Variants in KLHL13 observed in about 807,000 individuals in gnomAD.
KLHL13 encodes kelch like family member 13.
Under a neutral mutation model 37.1 loss-of-function variants are expected in KLHL13, and 10 were observed. That is an observed-to-expected ratio of 0.27 (90% CI 0.17 to 0.46). The LOEUF (loss-of-function observed/expected upper bound fraction) is 0.46, where lower values mean the gene tolerates loss of function less well. KLHL13 is among the 20% of genes least tolerant of loss of function. The pLI, the probability that KLHL13 is intolerant of heterozygous loss-of-function variation, is 1.00. For synonymous variants in KLHL13, 163 were observed against 181.2 expected (o/e 0.90, Z 0.81); for missense variants, 360 against 509.3 (o/e 0.71, Z 2.82).
At chrX:117,964,002 T>C (rs1218460655) in intron 1 of KLHL13, among the ~76,000 whole-genome samples, 3 of 70,136 alleles carry the variant, frequency 4.3e-5, no homozygotes, top group Non-Finnish European at 7.6e-5. Flanking sequence ...TGAGATCACA[T>C]GGACACAGGA....
chrX:118,065,813 T>A (rs2054788420), intron 1 of KLHL13, among the ~76,000 whole-genome samples: 1 of 111,683 alleles, frequency 9.0e-6, no homozygotes, highest in African/African-American at 3.3e-5. Context: ...GAATAGGTAA[T>A]GAAACACAAA....
At chrX:118,076,095 T>C (rs942524004) in intron 1 of KLHL13, among the ~76,000 whole-genome samples, 2 of 111,840 alleles carry the variant, frequency 1.8e-5, no homozygotes, top group Non-Finnish European at 3.8e-5. Flanking sequence ...TTAGTGATTA[T>C]TAATATTTAT....
At chrX:118,021,936 C>T (rs1030228108) in intron 1 of KLHL13, among the ~76,000 whole-genome samples, 9 of 111,689 alleles carry the variant, frequency 8.1e-5, no homozygotes, top group African/African-American at 1.3e-4. Flanking sequence ...TTCTAACTGG[C>T]GTGAGATGGT....
At chrX:117,909,983 G>A in exon 5 of KLHL13, 1 of 1,209,543 alleles carries the variant, frequency 8.3e-7, no homozygotes, top group Non-Finnish European at 1.1e-6. Flanking sequence ...ACTCCCCTGT[G>A]CTCAGCAATG....
At chrX:117,975,914 A>G (rs961642489), upstream of KLHL13, among the ~76,000 whole-genome samples, 6 of 111,911 alleles carry the variant, frequency 5.4e-5, no homozygotes, top group Non-Finnish European at 7.5e-5. Flanking sequence ...ATATCCTTCT[A>G]TAAGTTATTA....
At chrX:118,002,413 G>A (rs2053932555) in intron 1 of KLHL13, among the ~76,000 whole-genome samples, 1 of 108,977 alleles carries the variant, frequency 9.2e-6, no homozygotes, top group Non-Finnish European at 1.9e-5. Context: ...CCTCAACATG[G>A]AGAAACCCAG....
At chrX:118,100,799 T>C (rs939892115) in intron 1 of KLHL13, among the ~76,000 whole-genome samples, 2 of 111,733 alleles carry the variant, frequency 1.8e-5, no homozygotes, top group African/African-American at 6.5e-5. Context: ...CTTTTATTTA[T>C]ACATTGCCTA....
At chrX:118,094,306 T>C (rs1320711579) in intron 1 of KLHL13, among the ~76,000 whole-genome samples, 1 of 109,994 alleles carries the variant, frequency 9.1e-6, no homozygotes, top group African/African-American at 3.3e-5. Flanking sequence ...GAAGACGAAA[T>C]GAATGAAATG....
At chrX:118,076,313 C>A (rs779094342) in intron 1 of KLHL13, among the ~76,000 whole-genome samples, 1 of 111,334 alleles carries the variant, frequency 9.0e-6, no homozygotes, top group East Asian at 2.8e-4. Context: ...ACAAAACTCA[C>A]CAATCACAAG....
chrX:118,040,222 T>C (rs1481400940), intron 1 of KLHL13, among the ~76,000 whole-genome samples: 2 of 111,637 alleles, frequency 1.8e-5, no homozygotes, highest in Non-Finnish European at 1.9e-5. Context: ...TCTACAAACG[T>C]TGAGACCACC....
chrX:118,018,516 TATTC>T (rs776648940), intron 1 of KLHL13, among the ~76,000 whole-genome samples: 1 of 112,071 alleles, frequency 8.9e-6, no homozygotes, highest in African/African-American at 3.2e-5. Flanking sequence ...TTCTTTCAGA[TATTC>T]ATTAACTTAT....
chrX:118,018,884 A>T (rs1403247698), intron 1 of KLHL13, among the ~76,000 whole-genome samples: 1 of 111,478 alleles, frequency 9.0e-6, no homozygotes, highest in Non-Finnish European at 1.9e-5. Context: ...GGTTGTTTTT[A>T]AGACTTAGCT....
intron 1 of KLHL13, among the ~76,000 whole-genome samples, chrX:118,035,395 T>C (rs2054424662): frequency 9.2e-6 from 1 of 108,439 alleles, no homozygotes; most frequent in Non-Finnish European, 1.9e-5. Flanking sequence ...TTATCCACCA[T>C]GATCAAAGGG....
At chrX:117,974,352 T>TA (rs754292926), upstream of KLHL13, among the ~76,000 whole-genome samples, 72 of 112,138 alleles carry the variant, frequency 6.4e-4, no homozygotes, top group African/African-American at 2.2e-3. Context: ...TACCTATTTT[T>TA]AAAAAATCAC....
At chrX:118,083,668 G>A (rs745566508) in intron 1 of KLHL13, among the ~76,000 whole-genome samples, 8 of 110,995 alleles carry the variant, frequency 7.2e-5, no homozygotes, top group Non-Finnish European at 1.5e-4. Context: ...ATTGCATGGC[G>A]GGGTGACTAC....
At chrX:118,071,332 A>T (rs1360400052) in intron 1 of KLHL13, among the ~76,000 whole-genome samples, 1 of 111,398 alleles carries the variant, frequency 9.0e-6, no homozygotes, top group Non-Finnish European at 1.9e-5. Context: ...GAATCGCCAC[A>T]CTGACTTCCA....
intron 1 of KLHL13, among the ~76,000 whole-genome samples, chrX:118,060,304 G>A (rs1005654595): frequency 1.8e-5 from 2 of 111,322 alleles, no homozygotes; most frequent in Non-Finnish European, 3.8e-5. Context: ...ACCTGGATGT[G>A]AGGTACTATG....
At chrX:118,045,531 T>C (rs1294656108) in intron 1 of KLHL13, among the ~76,000 whole-genome samples, 1 of 111,069 alleles carries the variant, frequency 9.0e-6, no homozygotes, top group Non-Finnish European at 1.9e-5. Context: ...GGGCCAGACA[T>C]GATGGTTCAC....
intron 1 of KLHL13, among the ~76,000 whole-genome samples, chrX:118,053,263 G>A (rs986278064): frequency 1.8e-5 from 2 of 111,701 alleles, no homozygotes; most frequent in African/African-American, 6.5e-5. Context: ...ATGATAGACT[G>A]GATTAAGAAA....
Sources: gnomAD v4.1 joint callset for allele counts (sites outside exome capture counted in the v4.1 genomes callset) on GRCh38, gnomAD v4.1.1 for gene constraint, MANE v1.5 for transcripts, NCBI Gene and HGNC (gene_info 2026-07-23, HGNC 2026-07-21) for gene names.